Variants in OTOA observed in about 807,000 individuals in gnomAD.
OTOA encodes cancer/testis antigen 108.
OTOA carries 70 observed loss-of-function variants against 110.8 expected under a neutral mutation model. The ratio of observed to expected loss-of-function variants is 0.63; its 90% CI spans 0.52 to 0.77. The LOEUF is 0.77. OTOA is among the 30% of genes least tolerant of loss of function. OTOA has a pLI of 0.00. For missense variants in OTOA, 917 were observed against 1,075.8 expected, an observed-to-expected ratio of 0.85 and a Z score of 2.06; for synonymous variants, 373 against 431.5, an observed-to-expected ratio of 0.86 and a Z score of 1.68.
intron 28 of OTOA, among the ~76,000 whole-genome samples, chr16:21,758,347 C>A (rs1237593165): frequency 6.8e-6 from 1 of 147,896 alleles, no homozygotes; most frequent in South Asian, 2.1e-4. Context: ...AGACATGTAC[C>A]CTGGTGAACA....
intron 8 of OTOA, among the ~76,000 whole-genome samples, chr16:21,688,028 C>T (rs986818762): frequency 6.6e-6 from 1 of 152,094 alleles, no homozygotes; most frequent in African/African-American, 2.4e-5. Flanking sequence ...AAAGAGATCT[C>T]ACCTGGCAGC....
At chr16:21,665,213 G>A (rs1419818441) in intron 1 of OTOA, among the ~76,000 whole-genome samples, 1 of 152,134 alleles carries the variant, frequency 6.6e-6, no homozygotes, top group African/African-American at 2.4e-5. Context: ...GGGCTGCTGA[G>A]CTGACACTGG....
chr16:21,733,638 C>T (rs1474679972), intron 21 of OTOA, among the ~76,000 whole-genome samples: 3 of 149,900 alleles, frequency 2.0e-5, no homozygotes, highest in Admixed American at 2.0e-4. Flanking sequence ...CTAATAAAAT[C>T]CCAAGTCTTG....
chr16:21,734,053 G>C (rs574047113), intron 21 of OTOA, among the ~76,000 whole-genome samples: 1 of 151,774 alleles, frequency 6.6e-6, no homozygotes, highest in East Asian at 1.9e-4. Context: ...GCCTGCTTGG[G>C]CCTCCCAAGT....
intron 1 of OTOA, among the ~76,000 whole-genome samples, chr16:21,671,092 C>G (rs2141646282): frequency 6.6e-6 from 1 of 152,152 alleles, no homozygotes; most frequent in East Asian, 1.9e-4. Flanking sequence ...TGGTGTTTTT[C>G]AAAACAGCAT....
intron 2 of OTOA, 66 bp from the exon 3 acceptor site, chr16:21,678,849 C>T: frequency 6.4e-7 from 1 of 1,572,816 alleles, no homozygotes; most frequent in Non-Finnish European, 8.7e-7. Flanking sequence ...TTCCTCTAAC[C>T]CATATTTGTA....
At chr16:21,759,277 C>G (rs1414503968) in intron 28 of OTOA, among the ~76,000 whole-genome samples, 2 of 151,964 alleles carry the variant, frequency 1.3e-5, no homozygotes, top group East Asian at 1.9e-4. Context: ...CACAGCAAAT[C>G]AAATATAGAT....
intron 9 of OTOA, among the ~76,000 whole-genome samples, chr16:21,697,457 ACT>A (rs986427653): frequency 7.9e-5 from 12 of 151,774 alleles, no homozygotes; most frequent in Admixed American, 4.6e-4. Context: ...ACATGGTGAA[ACT>A]CTGTCTCTAC....
At chr16:21,687,298 A>G in intron 7 of OTOA, 115 bp from the exon 8 acceptor site, 7 of 845,796 alleles carry the variant, frequency 8.3e-6, no homozygotes, top group Non-Finnish European at 1.4e-5. Context: ...ACATAGCAGC[A>G]TGGTGTTAAA....
At chr16:21,684,762 A>ATTT (rs761681752) in intron 6 of OTOA, among the ~76,000 whole-genome samples, 30 of 96,882 alleles carry the variant, frequency 3.1e-4, no homozygotes, top group African/African-American at 9.2e-4. Flanking sequence ...TATTATTATT[A>ATTT]TTATTTTTTA....
intron 21 of OTOA, among the ~76,000 whole-genome samples, chr16:21,735,362 C>T (rs950753783): frequency 6.6e-6 from 1 of 151,528 alleles, no homozygotes; most frequent in Non-Finnish European, 1.5e-5. Context: ...AACAAGATCT[C>T]GAGAGAACGC....
chr16:21,681,614 T>C lies in OTOA; in HGVS notation c.180-124T>C, dbSNP rs1966892961. 8.0e-6 allele frequency: 6 copies of C among 753,258 alleles called. No individual in the cohort carries two copies. The East Asian group carries it at 1.6e-4, about 20-fold the overall frequency. 46.7% of individuals were successfully genotyped at this position (753,258 alleles called of 1,614,324 possible). A position where few individuals can be genotyped will look rare whatever the true frequency, so the allele number is the denominator to read the frequency against. ...GAAAAGAAAAGAGAAACCTCCCACT[T>C]CCAAGTACAAAGTCCTAACACCCCT... On this transcript the variant is annotated intron_variant, in intron 5 of 28. Coordinates refer to ENST00000646100, the MANE Select transcript of OTOA (RefSeq NM_144672.4).
intron 6 of OTOA, 54 bp from the exon 7 acceptor site, chr16:21,685,176 C>T (rs1042177957): frequency 1.0e-5 from 16 of 1,603,128 alleles, no homozygotes; most frequent in Middle Eastern, 2.0e-4. Context: ...TGGTGCTGAC[C>T]ATGTGCTCCT....
intron 1 of OTOA, 95 bp downstream of exon 1, chr16:21,664,327 G>T (rs539491789): frequency 2.0e-5 from 3 of 152,422 alleles, no homozygotes; most frequent in South Asian, 4.1e-4. Flanking sequence ...TAGGGAAGGG[G>T]TGCAGGTGAT....
chr16:21,709,980 C>G lies in OTOA; in HGVS notation c.1197C>G (p.Tyr399Ter). The change falls in exon 13 of 29, where the codon TAC becomes TAG. Residue 399 changes from tyrosine to a stop codon, truncating the protein, a stop_gained. Coordinates refer to ENST00000646100, the MANE Select transcript of OTOA (RefSeq NM_144672.4). LOFTEE classifies it high-confidence loss of function. ...SLSDAVVGLT[Y>*]SQLESLSPEA... ...CGGATGCAGTTGTAGGTTTGACCTA[C>G]AGCCAACTGGAATCCCTCTCCCCCG... The G allele has an allele frequency of 6.2e-7, 1 of 1,614,012 alleles. No homozygotes were observed. The highest frequency in any genetic ancestry group is 8.5e-7 in the Non-Finnish European group (1 of 1,179,928).
chr16:21,690,545 T>C (rs576193165), intron 8 of OTOA, among the ~76,000 whole-genome samples: 2 of 152,326 alleles, frequency 1.3e-5, no homozygotes, highest in African/African-American at 4.8e-5. Context: ...TATGGCTGCA[T>C]AGTATTCCAT....
chr16:21,677,973 A>G (rs1966863751), intron 1 of OTOA, among the ~76,000 whole-genome samples: 1 of 151,822 alleles, frequency 6.6e-6, no homozygotes, highest in Non-Finnish European at 1.5e-5. Flanking sequence ...TGCAACCTCT[A>G]CCTCACAGAT....
At chr16:21,736,987 AG>A (rs1220046093) in intron 22 of OTOA, among the ~76,000 whole-genome samples, 1 of 152,312 alleles carries the variant, frequency 6.6e-6, no homozygotes, top group East Asian at 1.9e-4. Flanking sequence ...TAGCAGTGAC[AG>A]GGCCGGGCTG....
In OTOA at chr16:21,715,269, G is replaced by T. The variant is rs919253785; in HGVS notation, c.1488+117G>T. On this transcript the variant is annotated intron_variant, in intron 14 of 28. Transcript: ENST00000646100. Reference sequence around the variant, plus strand: ...AGGGCTGGGATTGTCTCAGCTGTTGGTGTCTGGGGTGGCTCTGCCTTCTCC... The same window carrying T: ...AGGGCTGGGATTGTCTCAGCTGTTGTTGTCTGGGGTGGCTCTGCCTTCTCC... 1.2e-5 allele frequency: 17 copies of T among 1,389,130 alleles called. No individual in the cohort carries two copies. In the African/African-American group the frequency reaches 2.3e-4, roughly 19 times the overall value. 86.1% of individuals were successfully genotyped at this position (1,389,130 alleles called of 1,614,324 possible).
Sources: gnomAD v4.1 joint callset for allele counts (sites outside exome capture counted in the v4.1 genomes callset) on GRCh38, gnomAD v4.1.1 for gene constraint, MANE v1.5 for transcripts, NCBI Gene and HGNC (gene_info 2026-07-23, HGNC 2026-07-21) for gene names.